Variants in ABHD17C observed in about 807,000 individuals in gnomAD.
ABHD17C encodes abhydrolase domain containing 17C, depalmitoylase.
In ABHD17C, 11 loss-of-function variants were observed where a neutral mutation model predicts 27.9. The observed-to-expected ratio is 0.39, with a 90% CI of 0.25 to 0.65. The LOEUF (loss-of-function observed/expected upper bound fraction) is 0.65. Among genes scored for constraint, ABHD17C ranks in the 30% least tolerant of loss-of-function variants. The pLI is 0.45. For missense variants in ABHD17C, 280 were observed against 470.2 expected, an observed-to-expected ratio of 0.60 and a Z score of 3.74; for synonymous variants, 233 against 209.1, an observed-to-expected ratio of 1.11 and a Z score of -0.98.
chr15:80,711,487 G>A (rs531101147), intron 1 of ABHD17C, among the ~76,000 whole-genome samples: 1 of 152,308 alleles, frequency 6.6e-6, no homozygotes, highest in African/African-American at 2.4e-5. Flanking sequence ...TCTATGCACT[G>A]CAGTTTTGCC....
intron 1 of ABHD17C, among the ~76,000 whole-genome samples, chr15:80,745,659 G>T (rs191744414): frequency 1.0e-3 from 159 of 152,188 alleles, no homozygotes; most frequent in African/African-American, 3.6e-3. Flanking sequence ...GAGCCATCGC[G>T]CCCAGCCTTA....
chr15:80,736,041 T>C (rs1433475536), intron 1 of ABHD17C, among the ~76,000 whole-genome samples: 1 of 152,214 alleles, frequency 6.6e-6, no homozygotes, highest in African/African-American at 2.4e-5. Context: ...TATAATGAGC[T>C]GCTTATAAAT....
intron 1 of ABHD17C, among the ~76,000 whole-genome samples, chr15:80,723,551 C>T (rs2141504715): frequency 6.6e-6 from 1 of 152,230 alleles, no homozygotes; most frequent in South Asian, 2.1e-4. Context: ...ATTCCAAAAC[C>T]CCATCTTATC....
At chr15:80,722,480 A>G (rs917308934) in intron 1 of ABHD17C, among the ~76,000 whole-genome samples, 1 of 152,170 alleles carries the variant, frequency 6.6e-6, no homozygotes, top group Non-Finnish European at 1.5e-5. Context: ...CTATGAAACC[A>G]TCAAACTGTC....
At chr15:80,750,537 CCTG>C (rs1282238557) in intron 2 of ABHD17C, among the ~76,000 whole-genome samples, 1 of 152,098 alleles carries the variant, frequency 6.6e-6, no homozygotes, top group Non-Finnish European at 1.5e-5. Context: ...TTGCTTTCAT[CCTG>C]CTATTGCTGG....
At chr15:80,732,649 C>T (rs35259276) in intron 1 of ABHD17C, among the ~76,000 whole-genome samples, 2 of 152,084 alleles carry the variant, frequency 1.3e-5, no homozygotes, top group Non-Finnish European at 2.9e-5. Flanking sequence ...AAGACGGGCA[C>T]AAAGAGAGGA....
At chr15:80,738,308 A>C (rs1895161753) in intron 1 of ABHD17C, among the ~76,000 whole-genome samples, 1 of 152,170 alleles carries the variant, frequency 6.6e-6, no homozygotes, top group South Asian at 2.1e-4. Flanking sequence ...ACAGGATAGG[A>C]CAGAACAGGT....
At chr15:80,702,706 T>C (rs750252454) in intron 1 of ABHD17C, 3 of 152,244 alleles carry the variant, frequency 2.0e-5, no homozygotes, top group Non-Finnish European at 2.9e-5. Context: ...CTTTACCCTC[T>C]GTACTGGATT....
intron 2 of ABHD17C, among the ~76,000 whole-genome samples, chr15:80,752,564 AAG>A (rs1425585176): frequency 6.6e-6 from 1 of 152,226 alleles, no homozygotes; most frequent in African/African-American, 2.4e-5. Context: ...TAAATATTAA[AAG>A]AGATTTTGTG....
At position 80,749,509 on chromosome 15, in the gene ABHD17C, C is replaced by G; in HGVS notation, c.591-4C>G. On this transcript the variant is annotated splice_region_variant and splice_polypyrimidine_tract_variant and intron_variant, in intron 1 of 2. Coordinates refer to ENST00000258884, the MANE Select transcript of ABHD17C (RefSeq NM_021214.2). ...TAATGGCATACAACCTCTGATTTCT[C>G]CAGGTATGGCGTGAGTCCCGAGAAC... The G allele has an allele frequency of 6.2e-7, 1 of 1,613,016 alleles. No individual in the cohort carries two copies. Among genetic ancestry groups the G allele is most frequent in the Non-Finnish European group, 8.5e-7 (1 of 1,179,312 alleles).
intron 1 of ABHD17C, 82 bp from the exon 2 acceptor site, chr15:80,749,431 G>C: frequency 2.1e-6 from 3 of 1,409,106 alleles, no homozygotes; most frequent in South Asian, 2.7e-5. Flanking sequence ...GGAATTTTAT[G>C]GGTTTAAGAG....
intron 1 of ABHD17C, among the ~76,000 whole-genome samples, chr15:80,741,126 G>A (rs116349183): frequency 1.5e-4 from 23 of 152,012 alleles, no homozygotes; most frequent in African/African-American, 3.1e-4. Context: ...GCTTCTGCTC[G>A]TGCTCCCCTT....
At chr15:80,724,842 G>T (rs1370899561) in intron 1 of ABHD17C, among the ~76,000 whole-genome samples, 1 of 152,172 alleles carries the variant, frequency 6.6e-6, no homozygotes, top group East Asian at 1.9e-4. Flanking sequence ...TCTGCTCCTG[G>T]CCCTTTCTTG....
chr15:80,695,746 C>A lies in ABHD17C; in HGVS notation c.317C>A (p.Ala106Asp). Residue 106 changes from alanine (A) to aspartate (D), a missense_variant, in exon 1 of 3, where the codon GCC becomes GAC. This residue lies in a region of ABHD17C where 206 missense variants were observed against 394.7 expected (regional missense o/e 0.52). Transcript: ENST00000258884. This position sits in a 1 kb window ranked among gnomAD's most constrained non-coding sequence, Gnocchi z 4.3. ...DWQYSQRELD[A>D]VEVFFSRTAR... ...CAGTACTCGCAGCGCGAGCTGGACG[C>A]CGTCGAGGTCTTCTTCTCGCGCACG... is the stretch of plus-strand genomic sequence containing the variant. The A allele has an allele frequency of 1.3e-6, 2 of 1,535,436 alleles. No homozygotes were observed. Among genetic ancestry groups the A allele is most frequent in the Non-Finnish European group, 1.7e-6 (2 of 1,146,974 alleles).
At chr15:80,705,363 G>GTGTGTGTGTGTGTGTGTGTGTA (rs1282290593) in intron 1 of ABHD17C, among the ~76,000 whole-genome samples, 1 of 147,446 alleles carries the variant, frequency 6.8e-6, no homozygotes, top group Non-Finnish European at 1.5e-5. Context: ...GTGTGTGTGT[G>GTGTGTGTGTGTGTGTGTGTGTA]TGTGGTTAGG....
chr15:80,706,474 A>G (rs1187817255), intron 1 of ABHD17C, among the ~76,000 whole-genome samples: 1 of 152,236 alleles, frequency 6.6e-6, no homozygotes, highest in East Asian at 1.9e-4. Flanking sequence ...GAGAACCGCC[A>G]GTACTGATGA....
At chr15:80,711,472 G>A (rs1446613216) in intron 1 of ABHD17C, among the ~76,000 whole-genome samples, 1 of 152,140 alleles carries the variant, frequency 6.6e-6, no homozygotes, top group East Asian at 1.9e-4. Context: ...TTTCCCATAG[G>A]AGGCTCTATG....
chr15:80,750,971 A>G (rs547606564), intron 2 of ABHD17C, among the ~76,000 whole-genome samples: 4 of 152,090 alleles, frequency 2.6e-5, no homozygotes, highest in South Asian at 2.1e-4. Context: ...ATTAGCAACT[A>G]ATCTTATCTG....
chr15:80,705,362 T>TGTGTGTGTGG (rs776574776), intron 1 of ABHD17C, among the ~76,000 whole-genome samples: 1 of 150,624 alleles, frequency 6.6e-6, no homozygotes, highest in East Asian at 2.0e-4. Flanking sequence ...TGTGTGTGTG[T>TGTGTGTGTGG]GTGTGGTTAG....
Sources: allele counts gnomAD v4.1 joint callset (sites outside exome capture counted in the v4.1 genomes callset), GRCh38; gene constraint gnomAD v4.1.1; regional missense constraint gnomAD v4.1.1; non-coding constraint Gnocchi (gnomAD v3.1); transcripts MANE v1.5; gene names NCBI Gene and HGNC (gene_info 2026-07-23, HGNC 2026-07-21).